HDLBP: variants seen among roughly 807,000 people sequenced by gnomAD.
The protein encoded by HDLBP is vigilin.
A neutral mutation model predicts 137.3 loss-of-function variants in HDLBP; 30 were observed. The observed-to-expected ratio is 0.22, with a 90% CI of 0.16 to 0.30. The LOEUF (loss-of-function observed/expected upper bound fraction) is 0.30, where lower values mean the gene tolerates loss of function less well. HDLBP is among the 10% of genes least tolerant of loss of function. The probability of loss-of-function intolerance (pLI) is 1.00; values close to 1 mark genes in which losing one functional copy is unlikely to be tolerated. For synonymous variants in HDLBP, 606 were observed against 596.0 expected (o/e 1.02, Z -0.24); for missense variants, 1,119 against 1,667.3 (o/e 0.67, Z 5.73).
chr2:241,314,610 T>A (rs2075934265), intron 1 of HDLBP, among the ~76,000 whole-genome samples: 3 of 152,194 alleles, frequency 2.0e-5, no homozygotes, highest in Admixed American at 2.0e-4. Flanking sequence ...AGGCACTGTT[T>A]AATAAGCAAA....
chr2:241,252,329 C>T (rs892312186), intron 11 of HDLBP, among the ~76,000 whole-genome samples: 4 of 152,160 alleles, frequency 2.6e-5, no homozygotes, highest in African/African-American at 7.2e-5. Context: ...TGGTGAAACC[C>T]CGTCTCTTCT....
intron 1 of HDLBP, among the ~76,000 whole-genome samples, chr2:241,299,923 A>AAACG (rs953177313): frequency 6.6e-6 from 1 of 152,050 alleles, no homozygotes; most frequent in African/African-American, 2.4e-5. Flanking sequence ...TCAAACAAAC[A>AAACG]AAAAACAAAT....
Position 241,240,015 on chromosome 2 carries a change from T to C in HDLBP, c.2277A>G (p.Ala759=), listed in dbSNP as rs140757634. ...KIRKVRDSTG[A]RVIFPAAEDK... is the part of the protein sequence containing the mutation. ...CCTCAGCCGCAGGGAAGATGACACG[T>C]GCTCCAGTGCTGTCGCGCACCTTGC... The change falls in exon 18 of 28, where the codon GCA becomes GCG. Residue 759 remains alanine (A), a synonymous_variant. Coordinates refer to ENST00000310931, the MANE Select transcript of HDLBP (RefSeq NM_005336.6). This position sits in a 1 kb window ranked among gnomAD's most constrained non-coding sequence, Gnocchi z 5.5. The C allele has an allele frequency of 2.2e-5, 36 of 1,614,120 alleles. No homozygotes were observed. In the African/African-American group the frequency reaches 4.4e-4, roughly 20 times the overall value.
chr2:241,287,345 G>A (rs961882791), intron 1 of HDLBP, among the ~76,000 whole-genome samples: 5 of 151,642 alleles, frequency 3.3e-5, no homozygotes, highest in Admixed American at 1.3e-4. Flanking sequence ...TTCTGACACC[G>A]TGATCCACCC....
In HDLBP at chr2:241,266,821, T is replaced by C. The variant is rs986847427; in HGVS notation, c.49A>G (p.Ser17Gly). 2 of 1,613,314 alleles carry C rather than the reference T, an allele frequency of 1.2e-6. No homozygotes were observed. Residue 17 changes from serine (S) to glycine (G), a missense_variant, in exon 3 of 28, where the codon AGT becomes GGT. By Grantham distance (56) the Ser-to-Gly change is moderately conservative. This residue lies in a region of HDLBP where 59 missense variants were observed against 92.4 expected (regional missense o/e 0.64). Transcript: ENST00000310931. The part of the protein sequence containing the change: ...LTQESFAEHR[S>G]GLVPQQIKVA... The stretch of plus-strand genomic sequence containing the variant: ...TTGATTTGTTGCGGAACCAGCCCAC[T>C]TCGGTGTTCAGCAAAACTCTCTTGG...
intron 5 of HDLBP, among the ~76,000 whole-genome samples, chr2:241,257,986 T>C (rs1333811100): frequency 1.3e-5 from 2 of 152,212 alleles, no homozygotes; most frequent in Non-Finnish European, 2.9e-5. Context: ...AAGACAGTGA[T>C]GGCACGCCTG....
rs2069443357 is a variant in HDLBP at position 241,229,364 on chromosome 2, G to A, written c.*237C>T. On this transcript the variant is annotated 3_prime_UTR_variant, in exon 28 of 28. Transcript: ENST00000310931. ...GAGCTGGAGTCTGTTATCTTAGCAC[G>A]AATGCTCATGACCTTGGTTTAGTGT... 2.2e-6 allele frequency: 1 copy of A among 450,878 alleles called. No individual in the cohort carries two copies. Among genetic ancestry groups the A allele is most frequent in the Non-Finnish European group, 4.1e-6 (1 of 244,344 alleles). The allele number at this position is 450,878 out of a possible 1,614,324, so 27.9% of individuals were successfully genotyped here. A position where few individuals can be genotyped will look rare whatever the true frequency, so the allele number is the denominator to read the frequency against.
At chr2:241,236,983 G>GGGT (rs2070591053) in intron 20 of HDLBP, among the ~76,000 whole-genome samples, 1 of 107,316 alleles carries the variant, frequency 9.3e-6, no homozygotes, top group Admixed American at 1.1e-4. Context: ...ACCTTGGGGG[G>GGGT]GGGGGGGGGG....
chr2:241,266,953 T>C (rs1422526557), intron 2 of HDLBP, 47 bp from the exon 3 acceptor site: 19 of 1,326,854 alleles, frequency 1.4e-5, no homozygotes, highest in Non-Finnish European at 2.1e-5. Flanking sequence ...AACCCTCAAT[T>C]ATCTATGAGA....
rs2072653329 is a variant in HDLBP, at chr2:241,256,821, G to A, written c.451-15C>T. On this transcript the variant is annotated splice_polypyrimidine_tract_variant and intron_variant, in intron 5 of 27. Coordinates refer to ENST00000310931, the MANE Select transcript of HDLBP (RefSeq NM_005336.6). ...GTTGCTGAGGCCTATAGCAAGAAGA[G>A]AATAAAAGAAAACAAGAATATTTGT... is the stretch of plus-strand genomic sequence containing the variant. 6.2e-7 allele frequency: 1 copy of A among 1,604,096 alleles called. No homozygotes were observed. The highest frequency in any genetic ancestry group is 8.5e-7 in the Non-Finnish European group (1 of 1,171,214).
At chr2:241,299,243 G>A (rs752482782) in intron 1 of HDLBP, among the ~76,000 whole-genome samples, 59 of 152,108 alleles carry the variant, frequency 3.9e-4, no homozygotes, top group Non-Finnish European at 1.2e-4. Flanking sequence ...CCCTAAGGCC[G>A]GGCGCGGTGG....
Position 241,272,346 on chromosome 2 carries a change from G to A in HDLBP, c.-102-3805C>T. 1.0e-6 allele frequency: 1 copy of A among 983,014 alleles called. No homozygotes were observed. The highest frequency in any genetic ancestry group is 1.2e-6 in the Non-Finnish European group (1 of 829,060). 60.9% of individuals were successfully genotyped at this position (983,014 alleles called of 1,614,324 possible). Reference sequence around the variant, plus strand: ...AGCGGGGGAGGGGAGGGCCGGCCCCGCCAACGTCAGCGACCTGGGCTCAGG... The same window carrying A: ...AGCGGGGGAGGGGAGGGCCGGCCCCACCAACGTCAGCGACCTGGGCTCAGG... On this transcript the variant is annotated intron_variant, in intron 1 of 27. Coordinates refer to ENST00000310931, the MANE Select transcript of HDLBP (RefSeq NM_005336.6). The surrounding 1 kb of genome is among the most constrained non-coding windows in gnomAD (Gnocchi z 5.6).
intron 11 of HDLBP, chr2:241,250,263 G>GA: frequency 3.4e-6 from 1 of 290,890 alleles, no homozygotes; most frequent in Non-Finnish European, 6.4e-6. Context: ...GGGCCACTCA[G>GA]TCTGGGATTT....
At chr2:241,304,703 C>T (rs2075511848) in intron 1 of HDLBP, among the ~76,000 whole-genome samples, 2 of 152,202 alleles carry the variant, frequency 1.3e-5, no homozygotes, top group Non-Finnish European at 2.9e-5. Flanking sequence ...CACCGAATAC[C>T]TATCTTGCTG....
At chr2:241,279,302 T>C (rs2149610584) in intron 1 of HDLBP, among the ~76,000 whole-genome samples, 1 of 152,252 alleles carries the variant, frequency 6.6e-6, no homozygotes, top group East Asian at 1.9e-4. Context: ...TTTCTATATG[T>C]AATTTTTATA....
intron 21 of HDLBP, chr2:241,236,125 T>C (rs930434826): frequency 5.1e-6 from 1 of 195,676 alleles, no homozygotes; most frequent in African/African-American, 2.3e-5. Flanking sequence ...TGCCACAGGA[T>C]ATATCTGCGT....
In HDLBP at chr2:241,233,867, C is replaced by T; in HGVS notation, c.3241G>A (p.Glu1081Lys). 6.2e-7 allele frequency: 1 copy of T among 1,614,196 alleles called. No individual in the cohort carries two copies. The highest frequency in any genetic ancestry group is 2.2e-5 in the East Asian group (1 of 44,884). ...KGAVITQIRL[E>K]HDVNIQFPDK... is the part of the protein sequence containing the mutation. ...GGAAACTGGATGTTCACGTCATGCT[C>T]CAACCGGATTTGGGTAATTACTGCC... The change falls in exon 24 of 28, where the codon GAG becomes AAG. Residue 1081 changes from glutamate (E) to lysine (K), a missense_variant. Physicochemically the swap from Glu to Lys is moderately conservative, Grantham distance 56. Coordinates refer to ENST00000310931, the MANE Select transcript of HDLBP (RefSeq NM_005336.6). The surrounding 1 kb of genome is among the most constrained non-coding windows in gnomAD (Gnocchi z 4.3).
intron 1 of HDLBP, among the ~76,000 whole-genome samples, chr2:241,284,220 A>T (rs2074720155): frequency 6.6e-6 from 1 of 152,222 alleles, no homozygotes; most frequent in African/African-American, 2.4e-5. Flanking sequence ...TTTTAAGGCT[A>T]CAGCTGCCAT....
In HDLBP at chr2:241,230,322, T is replaced by A; in HGVS notation, c.3475-53A>T. Reference sequence around the variant, plus strand: ...GGGGACTCCAAGCGAGGAAAAGGGTTAAAATTATGTGTCAATTTCTAGTGA... The same window carrying A: ...GGGGACTCCAAGCGAGGAAAAGGGTAAAAATTATGTGTCAATTTCTAGTGA... On this transcript the variant is annotated intron_variant, in intron 25 of 27. Coordinates refer to ENST00000310931, the MANE Select transcript of HDLBP (RefSeq NM_005336.6). This position sits in a 1 kb window ranked among gnomAD's most constrained non-coding sequence, Gnocchi z 5.0. 9.4e-7 allele frequency: 1 copy of A among 1,063,010 alleles called. No individual in the cohort carries two copies. The highest frequency in any genetic ancestry group is 1.4e-6 in the Non-Finnish European group (1 of 719,764). The allele number at this position is 1,063,010 out of a possible 1,614,324, so 65.8% of individuals were successfully genotyped here. A position where few individuals can be genotyped will look rare whatever the true frequency, so the allele number is the denominator to read the frequency against.
Sources: gnomAD v4.1 joint callset for allele counts (sites outside exome capture counted in the v4.1 genomes callset) on GRCh38, gnomAD v4.1.1 for gene constraint, gnomAD v4.1.1 regional missense constraint, Gnocchi (gnomAD v3.1) non-coding constraint, MANE v1.5 for transcripts, NCBI Gene and HGNC (gene_info 2026-07-23, HGNC 2026-07-21) for gene names.